PTPRT: variants seen among roughly 807,000 people sequenced by gnomAD.
PTPRT encodes protein tyrosine phosphatase receptor type T.
In PTPRT, 56 loss-of-function variants were observed where a neutral mutation model predicts 176.8. The ratio of observed to expected loss-of-function variants is 0.32; its 90% CI spans 0.26 to 0.40. The LOEUF (loss-of-function observed/expected upper bound fraction) is 0.40. Among genes scored for constraint, PTPRT ranks in the 10% least tolerant of loss-of-function variants. The probability of loss-of-function intolerance (pLI) is 1.00; values close to 1 mark genes in which losing one functional copy is unlikely to be tolerated. For synonymous variants in PTPRT, 783 were observed against 739.0 expected (o/e 1.06, Z -0.96); for missense variants, 1,540 against 1,908.2 (o/e 0.81, Z 3.60).
At chr20:43,141,266 G>A (rs2013993912) in intron 1 of PTPRT, among the ~76,000 whole-genome samples, 1 of 152,210 alleles carries the variant, frequency 6.6e-6, no homozygotes, top group South Asian at 2.1e-4. Context: ...ATGATTCTGT[G>A]GGTCAATGCT....
chr20:42,548,831 G>C (rs1206864607), intron 7 of PTPRT, among the ~76,000 whole-genome samples: 1 of 152,122 alleles, frequency 6.6e-6, no homozygotes, highest in Non-Finnish European at 1.5e-5. Flanking sequence ...AAAGAAGAGG[G>C]AAGGCAAAAT....
At chr20:42,144,828 C>G (rs544229104) in intron 17 of PTPRT, among the ~76,000 whole-genome samples, 12 of 152,282 alleles carry the variant, frequency 7.9e-5, no homozygotes, top group Middle Eastern at 3.4e-3. Context: ...AATACACCAG[C>G]CTTGCCTTTG....
intron 1 of PTPRT, among the ~76,000 whole-genome samples, chr20:42,982,956 G>C (rs767532573): frequency 6.6e-6 from 1 of 152,310 alleles, no homozygotes; most frequent in South Asian, 2.1e-4. Flanking sequence ...GGCATTAGAC[G>C]ATCTTCCCAA....
chr20:43,115,774 G>A (rs1600723694), intron 1 of PTPRT, among the ~76,000 whole-genome samples: 2 of 151,884 alleles, frequency 1.3e-5, no homozygotes, highest in East Asian at 3.8e-4. Flanking sequence ...CCCGTCCAGG[G>A]CTCTATTACA....
intron 1 of PTPRT, among the ~76,000 whole-genome samples, chr20:43,018,135 T>C (rs1294424759): frequency 6.6e-6 from 1 of 152,188 alleles, no homozygotes; most frequent in Admixed American, 6.5e-5. Context: ...TGATTCAAAC[T>C]TAGAACATCT....
intron 16 of PTPRT, among the ~76,000 whole-genome samples, chr20:42,175,147 C>A (rs924266384): frequency 6.6e-6 from 1 of 152,180 alleles, no homozygotes; most frequent in Admixed American, 6.5e-5. Flanking sequence ...AAGGCCAAAG[C>A]TGAGCATGTC....
At chr20:42,407,536 T>C (rs1374689757) in intron 9 of PTPRT, among the ~76,000 whole-genome samples, 2 of 152,154 alleles carry the variant, frequency 1.3e-5, no homozygotes. Context: ...TAAAGACTTT[T>C]GAAAAAAACT....
intron 11 of PTPRT, among the ~76,000 whole-genome samples, chr20:42,343,460 G>A (rs569568103): frequency 1.3e-5 from 2 of 152,234 alleles, no homozygotes; most frequent in Admixed American, 6.5e-5. Flanking sequence ...GTATCTCATC[G>A]TCATAAGTAC....
intron 6 of PTPRT, among the ~76,000 whole-genome samples, chr20:42,698,217 G>A (rs984547022): frequency 6.6e-6 from 1 of 152,164 alleles, no homozygotes; most frequent in Non-Finnish European, 1.5e-5. Context: ...AACTATCGAT[G>A]TTCTGCCCAG....
At chr20:42,148,260 ATTTTTTTTT>A (rs34255255) in intron 17 of PTPRT, among the ~76,000 whole-genome samples, 1 of 114,078 alleles carries the variant, frequency 8.8e-6, no homozygotes, top group South Asian at 3.0e-4. Flanking sequence ...CAAGGCAGTC[ATTTTTTTTT>A]TTTTTTTTTT....
chr20:42,693,068 TAACA>T (rs1327085228), intron 6 of PTPRT, among the ~76,000 whole-genome samples: 2 of 152,314 alleles, frequency 1.3e-5, no homozygotes, highest in East Asian at 1.9e-4. Flanking sequence ...TCTACTTCAA[TAACA>T]AACAAATTGA....
At chr20:42,666,645 T>G (rs944249368) in intron 7 of PTPRT, among the ~76,000 whole-genome samples, 1 of 152,214 alleles carries the variant, frequency 6.6e-6, no homozygotes, top group Admixed American at 6.5e-5. Context: ...AATTTGCTAA[T>G]CCAACAACAT....
intron 7 of PTPRT, among the ~76,000 whole-genome samples, chr20:42,529,765 G>A (rs1601201177): frequency 6.6e-6 from 1 of 151,612 alleles, no homozygotes; most frequent in East Asian, 1.9e-4. Flanking sequence ...GGGATTACAG[G>A]GGTGAGCCAC....
At chr20:42,899,326 G>A (rs1048650821) in intron 1 of PTPRT, among the ~76,000 whole-genome samples, 1 of 152,250 alleles carries the variant, frequency 6.6e-6, no homozygotes, top group African/African-American at 2.4e-5. Context: ...CAGAAGGACA[G>A]GCTTAAACTG....
chr20:42,104,826 A>T (rs1986279353), intron 24 of PTPRT, 108 bp from the exon 25 acceptor site: 1 of 1,209,284 alleles, frequency 8.3e-7, no homozygotes. Flanking sequence ...TGATTTATCA[A>T]TATATTACAG....
intron 16 of PTPRT, among the ~76,000 whole-genome samples, chr20:42,197,681 C>T (rs962474201): frequency 1.3e-4 from 19 of 150,978 alleles, no homozygotes; most frequent in Admixed American, 1.1e-3. Context: ...GGTAAAGTGT[C>T]ATGATGTCTG....
At chr20:42,184,595 C>CTTCTTCTTCCTCT (rs1990684333) in intron 16 of PTPRT, among the ~76,000 whole-genome samples, 3 of 29,488 alleles carry the variant, frequency 1.0e-4, no homozygotes, top group Non-Finnish European at 1.8e-4. Context: ...CTTCTTCTTC[C>CTTCTTCTTCCTCT]TCTTCTTCTT....
intron 1 of PTPRT, among the ~76,000 whole-genome samples, chr20:43,061,382 C>CTCAACGG (rs1200607649): frequency 6.6e-6 from 1 of 152,198 alleles, no homozygotes; most frequent in Non-Finnish European, 1.5e-5. Flanking sequence ...TATAACAGAA[C>CTCAACGG]TCAACGGTCT....
At chr20:42,868,812 C>A (rs2078794965) in intron 2 of PTPRT, among the ~76,000 whole-genome samples, 1 of 152,120 alleles carries the variant, frequency 6.6e-6, no homozygotes, top group Non-Finnish European at 1.5e-5. Context: ...GCCTGGGGGA[C>A]AAAACTGTAT....
Sources: gnomAD v4.1 joint callset for allele counts (sites outside exome capture counted in the v4.1 genomes callset) on GRCh38, gnomAD v4.1.1 for gene constraint, MANE v1.5 for transcripts, NCBI Gene and HGNC (gene_info 2026-07-23, HGNC 2026-07-21) for gene names.